The following COL4A2 variants were observed in gnomAD, a reference collection of about 807,000 sequenced individuals.
COL4A2 encodes collagen type IV alpha 2 chain.
A neutral mutation model predicts 200.2 loss-of-function variants in COL4A2; 99 were observed. The observed-to-expected ratio is 0.49, with a 90% CI of 0.42 to 0.58. The LOEUF (loss-of-function observed/expected upper bound fraction) is 0.58. COL4A2 is among the 20% of genes least tolerant of loss of function. The probability of loss-of-function intolerance (pLI) is 0.00; values close to 1 mark genes in which losing one functional copy is unlikely to be tolerated. For synonymous variants in COL4A2, 897 were observed against 900.6 expected (o/e 1.00, Z 0.07); for missense variants, 1,950 against 2,314.1 (o/e 0.84, Z 3.23).
chr13:110,506,624 G>A lies in COL4A2; in HGVS notation c.4594+18G>A, dbSNP rs548297336. 3.3e-5 allele frequency: 53 copies of A among 1,586,064 alleles called. No individual in the cohort carries two copies. The highest frequency in any genetic ancestry group is 2.5e-4 in the East Asian group (11 of 44,282). ...GGACCTGGGTAGGTACCTCCCACCC[G>A]GCCCCCGTTGCCTGCTCAGGGCTGG... On this transcript the variant is annotated intron_variant, in intron 46 of 47. Transcript: ENST00000360467.
At chr13:110,326,643 T>A (rs1490742741) in intron 3 of COL4A2, among the ~76,000 whole-genome samples, 5 of 152,086 alleles carry the variant, frequency 3.3e-5, no homozygotes, top group Admixed American at 3.3e-4. Context: ...CAGGGCGAGG[T>A]CACACAGAGG....
intron 4 of COL4A2, among the ~76,000 whole-genome samples, chr13:110,420,118 C>T (rs944099341): frequency 8.5e-5 from 13 of 152,164 alleles, no homozygotes; most frequent in African/African-American, 2.2e-4. Context: ...AGCAAGCCCC[C>T]AGGTGACGCC....
rs1210756846 is a variant in COL4A2, at chr13:110,436,304, A to G, written c.762A>G (p.Pro254=). The change falls in exon 13 of 48, where the codon CCA becomes CCG. Residue 254 remains proline, a synonymous_variant. Transcript: ENST00000360467. ...DVGQPGPNGI[P]SDTLHPIIAP... ...GGCAGCCGGGACCCAACGGGATTCC[A>G]TCAGACACCCTCCACCCCATCATCG... 1.2e-6 allele frequency: 2 copies of G among 1,613,996 alleles called. No individual in the cohort carries two copies. Among genetic ancestry groups the G allele is most frequent in the African/African-American group, 2.7e-5 (2 of 74,878 alleles).
chr13:110,351,674 G>A (rs763717198), intron 3 of COL4A2, among the ~76,000 whole-genome samples: 1 of 152,186 alleles, frequency 6.6e-6, no homozygotes, highest in Non-Finnish European at 1.5e-5. Context: ...CAGTGCCTCT[G>A]CCAGCTTCTT....
chr13:110,321,979 C>T (rs1885288968), intron 3 of COL4A2, among the ~76,000 whole-genome samples: 1 of 152,230 alleles, frequency 6.6e-6, no homozygotes, highest in Admixed American at 6.5e-5. Flanking sequence ...CAGAGCCAAA[C>T]CATATCAGTC....
chr13:110,324,569 C>T (rs1386194452), intron 3 of COL4A2, among the ~76,000 whole-genome samples: 4 of 152,202 alleles, frequency 2.6e-5, no homozygotes, highest in Non-Finnish European at 4.4e-5. Flanking sequence ...CAGCACTGCC[C>T]GAACGGATGC....
At chr13:110,433,422 C>T (rs891667020) in intron 11 of COL4A2, among the ~76,000 whole-genome samples, 5 of 147,692 alleles carry the variant, frequency 3.4e-5, no homozygotes, top group African/African-American at 1.3e-4. Flanking sequence ...GTGACTTTGA[C>T]GACCAGCTCA....
At chr13:110,436,541 C>G (rs571627254) in intron 13 of COL4A2, among the ~76,000 whole-genome samples, 174 bp downstream of exon 13, 1 of 151,524 alleles carries the variant, frequency 6.6e-6, no homozygotes, top group African/African-American at 2.4e-5. Context: ...CTCTTCCAGA[C>G]GGTTACTAGA....
chr13:110,308,402 G>C (rs988705396), intron 3 of COL4A2, among the ~76,000 whole-genome samples: 1 of 152,112 alleles, frequency 6.6e-6, no homozygotes, highest in Non-Finnish European at 1.5e-5. Flanking sequence ...CACCGTTTTC[G>C]TTGCTTTGGG....
chr13:110,392,079 G>A (rs534802389), intron 4 of COL4A2, among the ~76,000 whole-genome samples: 15 of 152,176 alleles, frequency 9.9e-5, no homozygotes, highest in Non-Finnish European at 1.8e-4. Flanking sequence ...CAAATGGCAG[G>A]AGGTGAAGAA....
chr13:110,494,628 C>T lies in COL4A2; in HGVS notation c.3635-714C>T, dbSNP rs920337516. Among the ~76,000 whole-genome samples, 6 of 151,524 alleles carry T rather than the reference C, an allele frequency of 4.0e-5. No homozygotes were observed. In the South Asian group the frequency reaches 8.3e-4, roughly 21 times the overall value. On this transcript the variant is annotated intron_variant, in intron 39 of 47. Coordinates refer to ENST00000360467, the MANE Select transcript of COL4A2 (RefSeq NM_001846.4). ...CTGAGGCAGAAGAATGGCGTGAACC[C>T]GGGAGGCGGAGCTTGCAGTGAGCCG...
At chr13:110,385,984 C>T (rs78525785) in intron 4 of COL4A2, among the ~76,000 whole-genome samples, 1,362 of 17,332 alleles carry the variant, frequency 0.079, 257 homozygotes, top group African/African-American at 0.12. Context: ...GTGGTCACAG[C>T]GTGTGGATGG....
intron 8 of COL4A2, 188 bp downstream of exon 8, chr13:110,430,144 G>T (rs916033758): frequency 8.4e-6 from 6 of 714,582 alleles, no homozygotes; most frequent in Non-Finnish European, 1.0e-5. Context: ...TTAATTGTGT[G>T]TTTATCTCTT....
chr13:110,318,449 C>T (rs1462105798), intron 3 of COL4A2, among the ~76,000 whole-genome samples: 2 of 152,132 alleles, frequency 1.3e-5, no homozygotes, highest in African/African-American at 2.4e-5. Flanking sequence ...CTATATGAGA[C>T]GTTCAGTACG....
At chr13:110,489,689 C>A in intron 35 of COL4A2, 22 bp from the exon 36 acceptor site, 3 of 1,614,012 alleles carry the variant, frequency 1.9e-6, no homozygotes, top group Non-Finnish European at 2.5e-6. Flanking sequence ...CTGTTCTTAG[C>A]CGTCTTTTTT....
At chr13:110,430,339 A>G in intron 8 of COL4A2, 62 bp from the exon 9 acceptor site, 1 of 1,588,968 alleles carries the variant, frequency 6.3e-7, no homozygotes, top group South Asian at 1.2e-5. Context: ...CTGCAATAAA[A>G]GGTAAGTAAA....
chr13:110,354,626 G>GTTTT (rs58713084), intron 3 of COL4A2, among the ~76,000 whole-genome samples: 72 of 144,588 alleles, frequency 5.0e-4, no homozygotes, highest in African/African-American at 1.8e-3. Context: ...ACTTTTTGGA[G>GTTTT]TTTTTTTTTT....
At position 110,457,390 on chromosome 13, in the gene COL4A2, G is replaced by A; in HGVS notation, c.1387G>A (p.Gly463Arg). The change falls in exon 21 of 48, where the codon GGG becomes AGG. Residue 463 changes from glycine (G) to arginine (R), a missense_variant. By Grantham distance (125) the Gly-to-Arg change is moderately radical. Coordinates refer to ENST00000360467, the MANE Select transcript of COL4A2 (RefSeq NM_001846.4). ...AGCAAAAGGAAGAGCAGGCTTCCCT[G>A]GGCTTCCCGGCTCCCCTGGAGCCCG... ...KGAKGRAGFP[G>R]LPGSPGARGP... 1 of 1,613,596 alleles carries A rather than the reference G, an allele frequency of 6.2e-7. No individual in the cohort carries two copies. Among genetic ancestry groups the A allele is most frequent in the South Asian group, 1.1e-5 (1 of 91,082 alleles).
intron 34 of COL4A2, among the ~76,000 whole-genome samples, chr13:110,488,692 A>G (rs1180231873): frequency 1.3e-5 from 2 of 152,218 alleles, no homozygotes; most frequent in African/African-American, 4.8e-5. Flanking sequence ...TCTGTGCTTC[A>G]GTTCCTTTGC....
Sources: gnomAD v4.1 joint callset for allele counts (sites outside exome capture counted in the v4.1 genomes callset) on GRCh38, gnomAD v4.1.1 for gene constraint, MANE v1.5 for transcripts, NCBI Gene and HGNC (gene_info 2026-07-23, HGNC 2026-07-21) for gene names.